The following PRSS22 variants were observed in gnomAD, a reference collection of about 807,000 sequenced individuals.
PRSS22 encodes the protein brain-specific serine protease 4.
A neutral mutation model predicts 28.0 loss-of-function variants in PRSS22; 26 were observed. The ratio of observed to expected loss-of-function variants is 0.93; its 90% CI spans 0.68 to 1.29. PRSS22 has a LOEUF of 1.29. PRSS22 is among the 50% of genes most tolerant of loss of function. PRSS22 has a pLI of 0.00. For synonymous variants in PRSS22, 217 were observed against 177.9 expected, an observed-to-expected ratio of 1.22 and a Z score of -1.75; for missense variants, 444 against 422.1, an observed-to-expected ratio of 1.05 and a Z score of -0.46.
rs760044875 is a variant in PRSS22 at position 2,858,067 on chromosome 16, C to T, written c.38G>A (p.Gly13Asp). ...VSGAPPALGGGCLGTFTSLLL... is the reference protein window; with the variant it reads ...VSGAPPALGGDCLGTFTSLLL... ...CAGGGAGGTGAAGGTGCCGAGACAG[C>T]CCCCACCCAGGGCTGGGGGCGCTCC... Residue 13 changes from glycine (G) to aspartate (D), a missense_variant, in exon 1 of 6, where the codon GGC (glycine) becomes GAC (aspartate). Coordinates refer to ENST00000161006, the MANE Select transcript of PRSS22 (RefSeq NM_022119.4). 2.4e-6 allele frequency: 3 copies of T among 1,276,084 alleles called. No homozygotes were observed. The highest frequency in any genetic ancestry group is 3.1e-5 in the South Asian group (1 of 31,918). The allele number at this position is 1,276,084 out of a possible 1,614,324, so 79.0% of individuals were successfully genotyped here. A position where few individuals can be genotyped will look rare whatever the true frequency, so the allele number is the denominator to read the frequency against.
intron 2 of PRSS22, 151 bp downstream of exon 2, chr16:2,856,671 T>G: frequency 2.3e-6 from 2 of 867,666 alleles, no homozygotes; most frequent in Non-Finnish European, 3.7e-6. Flanking sequence ...CTTGCATCCG[T>G]GTCTCCTTCC....
intron 2 of PRSS22, among the ~76,000 whole-genome samples, 171 bp from the exon 3 acceptor site, chr16:2,856,424 CAAGCTCCACCCACATCCT>C (rs1347204239): frequency 6.6e-6 from 1 of 151,930 alleles, no homozygotes; most frequent in Non-Finnish European, 1.5e-5. Flanking sequence ...ACCCACACCC[CAAGCTCCACCCACATCCT>C]AAGCTCCACC....
chr16:2,856,928 G>C, intron 1 of PRSS22, 80 bp from the exon 2 acceptor site: 1 of 1,494,496 alleles, frequency 6.7e-7, no homozygotes, highest in East Asian at 2.5e-5. Flanking sequence ...CGCCCAGTGA[G>C]GAAGGCCCCC....
chr16:2,855,526 C>T (rs2069446353), intron 4 of PRSS22, 48 bp downstream of exon 4: 2 of 1,604,270 alleles, frequency 1.2e-6, no homozygotes, highest in African/African-American at 2.7e-5. Context: ...GTCTGCCATC[C>T]TCTGTCCCCA....
intron 1 of PRSS22, 52 bp downstream of exon 1, chr16:2,857,971 G>A (rs2069479047): frequency 1.6e-6 from 2 of 1,230,182 alleles, no homozygotes; most frequent in East Asian, 6.3e-5. Flanking sequence ...AGGGAAGGAG[G>A]GAAGGAGGGT....
Position 2,853,081 on chromosome 16 carries a change from T to C in PRSS22, c.*12A>G. The C allele has an allele frequency of 6.5e-7, 1 of 1,535,412 alleles. No individual in the cohort carries two copies. The highest frequency in any genetic ancestry group is 8.8e-7 in the Non-Finnish European group (1 of 1,139,476). On this transcript the variant is annotated 3_prime_UTR_variant, in exon 6 of 6. Coordinates refer to ENST00000161006, the MANE Select transcript of PRSS22 (RefSeq NM_022119.4). The surrounding 1 kb of genome is among the most constrained non-coding windows in gnomAD (Gnocchi z 4.6). ...CCGCCTTTCAGATCCGAGCCCCGCG[T>C]CCCGCTGCGCCCTAGGAGCGCGCGG...
intron 4 of PRSS22, among the ~76,000 whole-genome samples, chr16:2,855,062 A>G (rs1257594375): frequency 1.3e-5 from 2 of 152,108 alleles, no homozygotes; most frequent in Non-Finnish European, 2.9e-5. Context: ...TGAAGTAGAA[A>G]TGAGGCCAGG....
intron 1 of PRSS22, chr16:2,857,780 G>C (rs752249401): frequency 5.3e-6 from 2 of 374,136 alleles, no homozygotes; most frequent in Non-Finnish European, 9.5e-6. Context: ...AGAGGGAGCA[G>C]GCGATGGCGA....
In PRSS22 at chr16:2,853,921, T is replaced by C. The variant is rs1183721980; in HGVS notation, c.661A>G (p.Ile221Val). The C allele has an allele frequency of 9.3e-6, 15 of 1,614,146 alleles. No homozygotes were observed. Among genetic ancestry groups the C allele is most frequent in the Non-Finnish European group, 1.2e-5 (14 of 1,180,004 alleles). Reference protein sequence around the residue: ...LYWRGAGQGPITEDMLCAGYL... With the variant: ...LYWRGAGQGPVTEDMLCAGYL... Reference sequence around the variant, plus strand: ...CCGGCACACAGCATGTCCTCAGTGATGGGTCCCTGTCCTGCTCCCCGCCAG... The same window carrying C: ...CCGGCACACAGCATGTCCTCAGTGACGGGTCCCTGTCCTGCTCCCCGCCAG... Residue 221 changes from isoleucine to valine, a missense_variant, in exon 5 of 6, where the codon ATC (isoleucine) becomes GTC (valine). Coordinates refer to ENST00000161006, the MANE Select transcript of PRSS22 (RefSeq NM_022119.4). The surrounding 1 kb of genome is among the most constrained non-coding windows in gnomAD (Gnocchi z 4.6).
At chr16:2,854,513 G>A (rs1567290032) in intron 4 of PRSS22, 1 of 156,628 alleles carries the variant, frequency 6.4e-6, no homozygotes, top group Admixed American at 6.1e-5. Context: ...CAACCTCAGA[G>A]TTACTGGGAT....
Position 2,852,834 on chromosome 16 carries a change from G to T in PRSS22, c.*259C>A, listed in dbSNP as rs1425046515. 2.5e-5 allele frequency: 9 copies of T among 367,228 alleles called. No homozygotes were observed. The highest frequency in any genetic ancestry group is 4.0e-5 in the East Asian group (1 of 24,754). 22.7% of individuals were successfully genotyped at this position (367,228 alleles called of 1,614,324 possible). On this transcript the variant is annotated 3_prime_UTR_variant, in exon 6 of 6. Transcript: ENST00000161006. ...AACATTTATATACACAAAAGCGCTG[G>T]GGCCCGGGGCGGGGCCGGAAGTCGT...
At position 2,854,971 on chromosome 16, in the gene PRSS22, C is replaced by A. The variant is rs559694417; in HGVS notation, c.559+603G>T. Among the ~76,000 whole-genome samples, 3 of 152,224 alleles carry A rather than the reference C, an allele frequency of 2.0e-5. No homozygotes were observed. In the South Asian group the frequency reaches 6.2e-4, roughly 32 times the overall value. ...GTATTCAGCTTAGTCCCACACACAC[C>A]CCCTTTCAGCCATTCCTGTATTGAT... On this transcript the variant is annotated intron_variant, in intron 4 of 5. Coordinates refer to ENST00000161006, the MANE Select transcript of PRSS22 (RefSeq NM_022119.4).
intron 4 of PRSS22, 140 bp downstream of exon 4, chr16:2,855,434 C>T (rs949698334): frequency 3.5e-6 from 3 of 850,444 alleles, no homozygotes; most frequent in African/African-American, 1.7e-5. Context: ...TTCTGGATTG[C>T]AGCCCATCTT....
At chr16:2,857,991 A>C (rs1163052929) in intron 1 of PRSS22, 32 bp downstream of exon 1, 2 of 1,259,038 alleles carry the variant, frequency 1.6e-6, no homozygotes, top group Non-Finnish European at 2.0e-6. Flanking sequence ...TGGAGGTGAG[A>C]GGGAGGAGGG....
chr16:2,855,202 G>A (rs984851008), intron 4 of PRSS22, among the ~76,000 whole-genome samples: 1 of 151,816 alleles, frequency 6.6e-6, no homozygotes, highest in Non-Finnish European at 1.5e-5. Flanking sequence ...ACAAAAATTA[G>A]CCAGGTGTGG....
Position 2,853,342 on chromosome 16 carries a change from G to A in PRSS22, c.718-13C>T, listed in dbSNP as rs369717130. On this transcript the variant is annotated splice_polypyrimidine_tract_variant and intron_variant, in intron 5 of 5. Transcript: ENST00000161006. The surrounding 1 kb of genome is among the most constrained non-coding windows in gnomAD (Gnocchi z 4.6). ...CCCCGGAGTCGCCCTGCAGAGAGGAGGCGAGGTTAGGAACCCCCGTGGCAC... is the reference window on the plus strand; with the variant it reads ...CCCCGGAGTCGCCCTGCAGAGAGGAAGCGAGGTTAGGAACCCCCGTGGCAC... The A allele has an allele frequency of 6.3e-7, 1 of 1,585,878 alleles. No individual in the cohort carries two copies. The highest frequency in any genetic ancestry group is 8.5e-7 in the Non-Finnish European group (1 of 1,172,654).
intron 3 of PRSS22, 113 bp from the exon 4 acceptor site, chr16:2,855,964 C>A: frequency 6.6e-7 from 1 of 1,505,324 alleles, no homozygotes; most frequent in Non-Finnish European, 8.9e-7. Context: ...TAGGTAGAAT[C>A]GAGGGGCACC....
intron 4 of PRSS22, 171 bp from the exon 5 acceptor site, chr16:2,854,193 C>T (rs2069434033): frequency 3.0e-6 from 2 of 669,312 alleles, no homozygotes; most frequent in Admixed American, 2.9e-5. Context: ...TTCCAGGTCT[C>T]CACCTCTGGC....
chr16:2,856,539 A>C (rs1305822138), intron 2 of PRSS22, among the ~76,000 whole-genome samples: 2 of 133,028 alleles, frequency 1.5e-5, no homozygotes, highest in Non-Finnish European at 3.2e-5. Context: ...TGGCCTTTCC[A>C]CTCACTCCTT....
Sources: allele counts gnomAD v4.1 joint callset (sites outside exome capture counted in the v4.1 genomes callset), GRCh38; gene constraint gnomAD v4.1.1; non-coding constraint Gnocchi (gnomAD v3.1); transcripts MANE v1.5; gene names NCBI Gene and HGNC (gene_info 2026-07-23, HGNC 2026-07-21).